Variants in MAP4K4 observed in about 807,000 individuals in gnomAD.
MAP4K4 encodes HPK/GCK-like kinase HGK.
MAP4K4 carries 38 observed loss-of-function variants against 189.6 expected under a neutral mutation model. The observed-to-expected ratio is 0.20, with a 90% confidence interval of 0.15 to 0.26. The LOEUF (loss-of-function observed/expected upper bound fraction) is 0.26. MAP4K4 is among the 10% of genes least tolerant of loss of function. The pLI is 1.00. For synonymous variants in MAP4K4, 610 were observed against 624.3 expected (o/e 0.98, Z 0.34); for missense variants, 1,054 against 1,726.9 (o/e 0.61, Z 6.91).
rs2040004706 is a variant in MAP4K4 at position 101,703,203 on chromosome 2, A to G, written c.123+4665A>G. On this transcript the variant is annotated intron_variant, in intron 2 of 32. Transcript: ENST00000324219. ...CAGGAGGTGAAGGCCGAGGCGGGAT[A>G]GTGGCAGTGGTGGTAGAGAGGAGGA... Among the ~76,000 whole-genome samples, 6 of 151,626 alleles carry G rather than the reference A, an allele frequency of 4.0e-5. No individual in the cohort carries two copies. The South Asian group carries it at 1.3e-3, about 32-fold the overall frequency.
intron 3 of MAP4K4, among the ~76,000 whole-genome samples, chr2:101,807,990 A>C (rs2095117866): frequency 6.6e-6 from 1 of 152,238 alleles, no homozygotes; most frequent in African/African-American, 2.4e-5. Flanking sequence ...GTTTGACCTG[A>C]GATTTGGGCT....
At chr2:101,840,180 CT>C (rs2096873152) in intron 10 of MAP4K4, among the ~76,000 whole-genome samples, 186 bp downstream of exon 10, 1 of 152,068 alleles carries the variant, frequency 6.6e-6, no homozygotes. Context: ...TTGGCTGGAG[CT>C]TTGTGTTGTG....
At chr2:101,737,028 G>T (rs1052986146) in intron 2 of MAP4K4, among the ~76,000 whole-genome samples, 3 of 152,120 alleles carry the variant, frequency 2.0e-5, no homozygotes, top group Non-Finnish European at 4.4e-5. Flanking sequence ...GGGCTATTGG[G>T]CAATCGGAGT....
intron 7 of MAP4K4, among the ~76,000 whole-genome samples, chr2:101,832,629 T>C (rs900366315): frequency 1.3e-5 from 2 of 152,228 alleles, no homozygotes; most frequent in South Asian, 2.1e-4. Flanking sequence ...TCATTACTTG[T>C]CTCTAAAATT....
At chr2:101,760,918 G>A (rs2076094205) in intron 2 of MAP4K4, among the ~76,000 whole-genome samples, 2 of 152,166 alleles carry the variant, frequency 1.3e-5, no homozygotes, top group South Asian at 2.1e-4. Flanking sequence ...CAGCAGAATC[G>A]CTTGAATCTG....
At chr2:101,893,023 A>G in exon 33 of MAP4K4, 1 of 456,426 alleles carries the variant, frequency 2.2e-6, no homozygotes. Context: ...ATTTTCCTGT[A>G]TATTGTGAAA....
chr2:101,805,072 CAAAAAAAAA>C (rs36081384), intron 3 of MAP4K4, among the ~76,000 whole-genome samples: 1 of 56,438 alleles, frequency 1.8e-5, no homozygotes, highest in Non-Finnish European at 3.8e-5. Context: ...GACTCCAGAT[CAAAAAAAAA>C]AAAAAAAAAA....
At chr2:101,797,482 TGA>T in intron 3 of MAP4K4, 1 of 1,021,228 alleles carries the variant, frequency 9.8e-7, no homozygotes, top group Non-Finnish European at 1.3e-6. Context: ...CCTTAGCTAC[TGA>T]GAGAAAAACT....
chr2:101,791,824 C>T (rs2092925142), intron 3 of MAP4K4, among the ~76,000 whole-genome samples: 1 of 152,170 alleles, frequency 6.6e-6, no homozygotes, highest in Non-Finnish European at 1.5e-5. Flanking sequence ...CTGATAGAGC[C>T]TTCCATAAGT....
At chr2:101,726,974 G>T (rs568097435) in intron 2 of MAP4K4, among the ~76,000 whole-genome samples, 2 of 152,126 alleles carry the variant, frequency 1.3e-5, no homozygotes, top group African/African-American at 2.4e-5. Flanking sequence ...CACCTGGCGA[G>T]GGGGGTGAGC....
At chr2:101,829,469 G>A (rs765104993) in intron 5 of MAP4K4, 35 bp from the exon 6 acceptor site, 1 of 1,483,090 alleles carries the variant, frequency 6.7e-7, no homozygotes, top group Non-Finnish European at 9.3e-7. Flanking sequence ...TATAGTCACA[G>A]AAAACTAAAA....
intron 2 of MAP4K4, among the ~76,000 whole-genome samples, chr2:101,773,413 A>G (rs1048050718): frequency 2.6e-5 from 4 of 152,180 alleles, no homozygotes; most frequent in Admixed American, 6.5e-5. Flanking sequence ...CCACCCCGCA[A>G]TTGCCTTCAA....
chr2:101,801,546 A>C (rs1333624013), intron 3 of MAP4K4, among the ~76,000 whole-genome samples: 1 of 152,186 alleles, frequency 6.6e-6, no homozygotes, highest in Non-Finnish European at 1.5e-5. Flanking sequence ...GCATGCACCC[A>C]AAATTTCAGA....
intron 2 of MAP4K4, among the ~76,000 whole-genome samples, chr2:101,752,122 T>A (rs1426633806): frequency 6.6e-6 from 1 of 152,342 alleles, no homozygotes; most frequent in East Asian, 1.9e-4. Flanking sequence ...TTGTTTTTTG[T>A]TATCTTTTTC....
intron 2 of MAP4K4, among the ~76,000 whole-genome samples, chr2:101,725,398 AAAC>A (rs1559106259): frequency 1.3e-5 from 2 of 149,720 alleles, no homozygotes; most frequent in Non-Finnish European, 3.0e-5. Flanking sequence ...AAAAAAAAAA[AAAC>A]AAAAACAAAA....
chr2:101,708,661 C>G (rs1266702953), intron 2 of MAP4K4, among the ~76,000 whole-genome samples: 1 of 152,126 alleles, frequency 6.6e-6, no homozygotes, highest in African/African-American at 2.4e-5. Context: ...TTCAAGCTTA[C>G]ATTTCAGTGA....
intron 2 of MAP4K4, among the ~76,000 whole-genome samples, chr2:101,772,718 A>G (rs1277020352): frequency 6.6e-6 from 1 of 152,244 alleles, no homozygotes; most frequent in African/African-American, 2.4e-5. Flanking sequence ...CATCAGTTTC[A>G]TGTAATATAA....
At chr2:101,884,098 C>A (rs2098447839) in intron 28 of MAP4K4, among the ~76,000 whole-genome samples, 1 of 152,018 alleles carries the variant, frequency 6.6e-6, no homozygotes, top group African/African-American at 2.4e-5. Flanking sequence ...AAACAGTAGG[C>A]CTTCAGGCCT....
chr2:101,785,673 TC>T (rs1418971942), intron 2 of MAP4K4, among the ~76,000 whole-genome samples: 1 of 45,190 alleles, frequency 2.2e-5, no homozygotes, highest in African/African-American at 1.6e-4. Context: ...TTTCTTTCTT[TC>T]TCCCTCTCTC....
Sources: gnomAD v4.1 joint callset for allele counts (sites outside exome capture counted in the v4.1 genomes callset) on GRCh38, gnomAD v4.1.1 for gene constraint, MANE v1.5 for transcripts, NCBI Gene and HGNC (gene_info 2026-07-23, HGNC 2026-07-21) for gene names.